Variants in CDH12 observed in about 807,000 individuals in gnomAD.
CDH12 encodes cadherin 12.
CDH12 carries 41 observed loss-of-function variants against 74.1 expected under a neutral mutation model. The observed-to-expected ratio is 0.55, with a 90% CI of 0.43 to 0.72. The LOEUF is 0.72. Among genes scored for constraint, CDH12 ranks in the 30% least tolerant of loss-of-function variants. The pLI is 0.00. For missense variants in CDH12, 945 were observed against 977.2 expected (o/e 0.97, Z 0.44); for synonymous variants, 399 against 355.0 (o/e 1.12, Z -1.39).
Position 21,817,019 on chromosome 5 carries a change from G to A in CDH12, c.928C>T (p.Pro310Ser). ...QNAEIEYNIVPGDGGNLFDIV... is the reference protein window; with the variant it reads ...QNAEIEYNIVSGDGGNLFDIV... Reference sequence around the variant, plus strand: ...TCAAACAAATTTCCCCCATCTCCTGGAACAATATTGTATTCAATTTCTGCA... The same window carrying A: ...TCAAACAAATTTCCCCCATCTCCTGAAACAATATTGTATTCAATTTCTGCA... The change falls in exon 9 of 15, where the codon CCA (proline) becomes TCA (serine). Residue 310 changes from proline (P) to serine (S), a missense_variant. Physicochemically the swap from Pro to Ser is moderately conservative, Grantham distance 74. Coordinates refer to ENST00000382254, the MANE Select transcript of CDH12 (RefSeq NM_004061.5). 1 of 1,612,284 alleles carries A rather than the reference G, an allele frequency of 6.2e-7. No homozygotes were observed. Among genetic ancestry groups the A allele is most frequent in the South Asian group, 1.1e-5 (1 of 90,986 alleles).
At chr5:22,492,896 G>A (rs1284238689) in intron 2 of CDH12, among the ~76,000 whole-genome samples, 4 of 151,808 alleles carry the variant, frequency 2.6e-5, no homozygotes, top group African/African-American at 4.8e-5. Context: ...GAAGACCACC[G>A]ATCGCACACA....
intron 5 of CDH12, among the ~76,000 whole-genome samples, chr5:22,061,523 A>G (rs1741187049): frequency 6.6e-6 from 1 of 152,168 alleles, no homozygotes; most frequent in African/African-American, 2.4e-5. Context: ...TGAAATCCTT[A>G]TCATTCTGCT....
intron 3 of CDH12, among the ~76,000 whole-genome samples, chr5:22,273,302 TATAC>T (rs1305557342): frequency 6.6e-6 from 1 of 152,148 alleles, no homozygotes; most frequent in Non-Finnish European, 1.5e-5. Context: ...GACACAGAGA[TATAC>T]AATGAGCCCA....
intron 1 of CDH12, among the ~76,000 whole-genome samples, chr5:22,564,923 C>T (rs1028802651): frequency 6.6e-6 from 1 of 152,014 alleles, no homozygotes; most frequent in Non-Finnish European, 1.5e-5. Context: ...ATACTGATTA[C>T]CTTTTTTTCT....
chr5:21,879,467 T>C (rs1170722149), intron 6 of CDH12, among the ~76,000 whole-genome samples: 1 of 152,036 alleles, frequency 6.6e-6, no homozygotes, highest in African/African-American at 2.4e-5. Context: ...GAAATATATT[T>C]GATGCTACTT....
At chr5:22,196,688 C>T (rs1383408117) in intron 4 of CDH12, among the ~76,000 whole-genome samples, 1 of 152,188 alleles carries the variant, frequency 6.6e-6, no homozygotes, top group Non-Finnish European at 1.5e-5. Context: ...CATCAGGACT[C>T]AAACAACTTC....
chr5:22,536,256 A>T (rs1561476242), intron 1 of CDH12, among the ~76,000 whole-genome samples: 1 of 152,162 alleles, frequency 6.6e-6, no homozygotes, highest in African/African-American at 2.4e-5. Context: ...TCATCATTCT[A>T]TGTCTTAGTT....
In CDH12 at chr5:21,837,993, G is replaced by T. The variant is rs952603283; in HGVS notation, c.814+4168C>A. Among the ~76,000 whole-genome samples the T allele has an allele frequency of 7.9e-5, 12 of 152,118 alleles. 1 individual carries two copies. In the South Asian group the frequency reaches 2.5e-3, roughly 32 times the overall value. On this transcript the variant is annotated intron_variant, in intron 8 of 14. Transcript: ENST00000382254. Reference sequence around the variant, plus strand: ...TATGAGTGGTGACAACATACGCCGTGATTTTTTTGCAGATGTGCTCTAAGA... The same window carrying T: ...TATGAGTGGTGACAACATACGCCGTTATTTTTTTGCAGATGTGCTCTAAGA...
chr5:22,788,528 T>G (rs1747754750), intron 1 of CDH12, among the ~76,000 whole-genome samples: 1 of 148,890 alleles, frequency 6.7e-6, no homozygotes. Context: ...TATAAAAATT[T>G]ATCATAATAT....
chr5:22,598,491 G>A (rs1248259631), intron 1 of CDH12, among the ~76,000 whole-genome samples: 1 of 152,126 alleles, frequency 6.6e-6, no homozygotes, highest in Non-Finnish European at 1.5e-5. Context: ...CAAGTTTCAT[G>A]AGGCCTCCCC....
chr5:21,962,487 A>AAT (rs1756402881), intron 6 of CDH12, among the ~76,000 whole-genome samples: 1 of 152,148 alleles, frequency 6.6e-6, no homozygotes, highest in Non-Finnish European at 1.5e-5. Context: ...ACATATTCAT[A>AAT]ATATATATCT....
At chr5:22,710,162 C>A (rs1052532698) in intron 1 of CDH12, among the ~76,000 whole-genome samples, 26 of 152,268 alleles carry the variant, frequency 1.7e-4, no homozygotes, top group African/African-American at 6.3e-4. Flanking sequence ...TCACAGCCAA[C>A]TTTATTTCCT....
At chr5:22,646,541 A>C (rs370069507) in intron 1 of CDH12, among the ~76,000 whole-genome samples, 7 of 151,926 alleles carry the variant, frequency 4.6e-5, no homozygotes, top group African/African-American at 1.7e-4. Flanking sequence ...TTGATTTAAA[A>C]AGTATGTCCC....
At chr5:22,613,878 A>G (rs1054860502) in intron 1 of CDH12, among the ~76,000 whole-genome samples, 1 of 152,134 alleles carries the variant, frequency 6.6e-6, no homozygotes, top group African/African-American at 2.4e-5. Flanking sequence ...AGCTAAAAAA[A>G]TGTTTAAGTT....
chr5:21,871,907 G>A (rs546550640), intron 6 of CDH12, among the ~76,000 whole-genome samples: 1 of 152,096 alleles, frequency 6.6e-6, no homozygotes, highest in East Asian at 1.9e-4. Flanking sequence ...GAAAAGGGAG[G>A]TTTTGAATAT....
Position 21,882,452 on chromosome 5 carries a change from A to G in CDH12, c.527-27662T>C, listed in dbSNP as rs1752400684. 6.4e-6 allele frequency: 4 copies of G among 627,238 alleles called. No individual in the cohort carries two copies. The Admixed American group carries it at 8.4e-5, about 13-fold the overall frequency. 38.9% of individuals were successfully genotyped at this position (627,238 alleles called of 1,614,324 possible). ...CTGTATTGCTCTCATAATTTGGCAG[A>G]TGTCTGTATGTTCCATTTATAGTAC... On this transcript the variant is annotated intron_variant, in intron 6 of 14. Transcript: ENST00000382254.
At chr5:22,130,841 C>G (rs1274526593) in intron 4 of CDH12, among the ~76,000 whole-genome samples, 4 of 151,886 alleles carry the variant, frequency 2.6e-5, no homozygotes, top group Non-Finnish European at 5.9e-5. Flanking sequence ...ATGCCCTCAC[C>G]ATCTCAATCC....
At chr5:22,656,151 T>A (rs555736615) in intron 1 of CDH12, among the ~76,000 whole-genome samples, 2 of 152,158 alleles carry the variant, frequency 1.3e-5, no homozygotes, top group South Asian at 4.1e-4. Flanking sequence ...ATTTTATGGA[T>A]TTTTTGTGAT....
intron 2 of CDH12, among the ~76,000 whole-genome samples, chr5:22,481,719 T>G (rs1262594915): frequency 6.6e-6 from 1 of 152,160 alleles, no homozygotes; most frequent in Non-Finnish European, 1.5e-5. Flanking sequence ...GGAGTCACTT[T>G]TAATGAGTGT....
Sources: gnomAD v4.1 joint callset for allele counts (sites outside exome capture counted in the v4.1 genomes callset) on GRCh38, gnomAD v4.1.1 for gene constraint, MANE v1.5 for transcripts, NCBI Gene and HGNC (gene_info 2026-07-23, HGNC 2026-07-21) for gene names.